The following STK39 variants were observed in gnomAD, a reference collection of about 807,000 sequenced individuals.
STK39 encodes STE20/SPS1-related proline-alanine-rich protein kinase.
STK39 carries 20 observed loss-of-function variants against 77.8 expected under a neutral mutation model. The ratio of observed to expected loss-of-function variants is 0.26; its 90% CI spans 0.18 to 0.37. The LOEUF is 0.37. Ranked by LOEUF, STK39 falls within the 10% of genes least tolerant of loss-of-function variation. The pLI is 1.00. For missense variants in STK39, 479 were observed against 656.5 expected, an observed-to-expected ratio of 0.73 and a Z score of 2.95; for synonymous variants, 246 against 234.1, an observed-to-expected ratio of 1.05 and a Z score of -0.47.
chr2:168,155,472 T>C (rs187668382), intron 5 of STK39, among the ~76,000 whole-genome samples: 31 of 152,344 alleles, frequency 2.0e-4, no homozygotes, highest in African/African-American at 7.0e-4. Context: ...ATGAGAATTT[T>C]GTCGTAATTC....
At chr2:168,107,081 C>T (rs1686994212) in intron 10 of STK39, among the ~76,000 whole-genome samples, 1 of 152,194 alleles carries the variant, frequency 6.6e-6, no homozygotes, top group African/African-American at 2.4e-5. Context: ...TTACAACAAA[C>T]ATCTACTTAG....
At chr2:168,107,062 T>G (rs990107063) in intron 10 of STK39, among the ~76,000 whole-genome samples, 2 of 152,194 alleles carry the variant, frequency 1.3e-5, no homozygotes, top group Non-Finnish European at 2.9e-5. Flanking sequence ...AAAAATCATC[T>G]CGGTTATTTT....
intron 10 of STK39, among the ~76,000 whole-genome samples, chr2:168,083,371 A>G (rs1460172828): frequency 1.3e-5 from 2 of 152,072 alleles, no homozygotes; most frequent in Non-Finnish European, 1.5e-5. Context: ...AGCTTGTTTT[A>G]GACATTTTTT....
rs191721478 is a variant in STK39, at chr2:168,192,111, C to T, written c.209-10021G>A. The stretch of plus-strand genomic sequence containing the variant: ...AATTACTGCTGGCAGAGGGAAAGAC[C>T]CTTTCCGAAGCTAAGCTGACAAGAA... On this transcript the variant is annotated intron_variant, in intron 1 of 17. Transcript: ENST00000355999. 2.6e-5 allele frequency among the ~76,000 whole-genome samples: 4 copies of T among 152,194 alleles called. 1 individual carries two copies. Among genetic ancestry groups the T allele is most frequent in the African/African-American group, 2.4e-5 (1 of 41,532 alleles).
intron 14 of STK39, among the ~76,000 whole-genome samples, chr2:168,028,464 T>C (rs1448717931): frequency 6.6e-6 from 1 of 152,184 alleles, no homozygotes; most frequent in Non-Finnish European, 1.5e-5. Flanking sequence ...GCATTTAGGA[T>C]GTCTAGTGAA....
At chr2:168,235,805 T>C (rs1002793416) in intron 1 of STK39, among the ~76,000 whole-genome samples, 2 of 152,104 alleles carry the variant, frequency 1.3e-5, no homozygotes, top group African/African-American at 4.8e-5. Context: ...TATGACTGCA[T>C]AGTATTCCAT....
At chr2:168,171,656 T>C (rs1688827867) in intron 2 of STK39, among the ~76,000 whole-genome samples, 1 of 151,880 alleles carries the variant, frequency 6.6e-6, no homozygotes, top group Non-Finnish European at 1.5e-5. Context: ...CCAGCTAATT[T>C]TTAAAAATTT....
At chr2:168,228,990 T>C (rs1451891101) in intron 1 of STK39, among the ~76,000 whole-genome samples, 2 of 152,156 alleles carry the variant, frequency 1.3e-5, no homozygotes, top group Non-Finnish European at 2.9e-5. Context: ...TCTAACTTTA[T>C]AAAGATAACA....
chr2:167,985,914 T>C (rs1683545534), intron 16 of STK39, among the ~76,000 whole-genome samples: 1 of 152,208 alleles, frequency 6.6e-6, no homozygotes, highest in African/African-American at 2.4e-5. Flanking sequence ...ATGGGCTGCA[T>C]GTCTATCTTA....
chr2:167,956,268 C>T (rs1691759379), intron 17 of STK39, among the ~76,000 whole-genome samples: 1 of 152,150 alleles, frequency 6.6e-6, no homozygotes, highest in Non-Finnish European at 1.5e-5. Flanking sequence ...GGAAAAAAGC[C>T]ATTGCCTTGG....
chr2:168,243,705 C>A (rs544370852), intron 1 of STK39, among the ~76,000 whole-genome samples: 12 of 152,200 alleles, frequency 7.9e-5, no homozygotes, highest in Non-Finnish European at 1.2e-4. Flanking sequence ...GACTACAATT[C>A]TTTGAATGAG....
intron 17 of STK39, among the ~76,000 whole-genome samples, chr2:167,960,875 T>C (rs955599999): frequency 5.9e-5 from 9 of 152,184 alleles, no homozygotes. Context: ...AACTTCAGCC[T>C]GCATCAGAAT....
At chr2:168,037,546 A>T (rs4668005) in intron 14 of STK39, among the ~76,000 whole-genome samples, 113,234 of 152,034 alleles carry the variant, frequency 0.74, 42,325 homozygotes, top group Non-Finnish European at 0.76. Context: ...GAACCAAATT[A>T]AGTCTCCAGT....
chr2:168,001,317 G>A (rs373439654), intron 16 of STK39, among the ~76,000 whole-genome samples: 142 of 150,486 alleles, frequency 9.4e-4, no homozygotes, highest in Middle Eastern at 3.4e-3. Context: ...GGGCACAAAC[G>A]TTGATGATAC....
intron 4 of STK39, 102 bp downstream of exon 4, chr2:168,163,637 C>A: frequency 1.2e-6 from 2 of 1,603,238 alleles, no homozygotes; most frequent in South Asian, 1.1e-5. Context: ...CTGCAGAGGT[C>A]ACACCTGTGA....
chr2:168,141,432 T>C (rs74403564), intron 5 of STK39, among the ~76,000 whole-genome samples: 1 of 152,188 alleles, frequency 6.6e-6, no homozygotes, highest in African/African-American at 2.4e-5. Flanking sequence ...TTTGGAACAT[T>C]TGAGATTTCA....
rs558319602 is a variant in STK39, at chr2:168,055,311, G to A, written c.1376+8189C>T. On this transcript the variant is annotated intron_variant, in intron 14 of 17. Coordinates refer to ENST00000355999, the MANE Select transcript of STK39 (RefSeq NM_013233.3). ...TCATGCTAAAACAATGGCCAACATCGTTTCTAACAGATTTAGCTTTCTTTA... is the reference window on the plus strand; with the variant it reads ...TCATGCTAAAACAATGGCCAACATCATTTCTAACAGATTTAGCTTTCTTTA... Among the ~76,000 whole-genome samples, 195 of 152,258 alleles carry A rather than the reference G, an allele frequency of 1.3e-3. 1 individual carries two copies. Among genetic ancestry groups the A allele is most frequent in the Middle Eastern group, 3.4e-3 (1 of 294 alleles).
At chr2:168,017,560 T>C (rs1165354767) in intron 14 of STK39, among the ~76,000 whole-genome samples, 1 of 151,840 alleles carries the variant, frequency 6.6e-6, no homozygotes, top group Non-Finnish European at 1.5e-5. Flanking sequence ...TTAGTAGAGA[T>C]GGGGTTTCTC....
chr2:168,024,681 T>C (rs1462297272), intron 14 of STK39, among the ~76,000 whole-genome samples: 1 of 152,226 alleles, frequency 6.6e-6, no homozygotes, highest in African/African-American at 2.4e-5. Flanking sequence ...GTCTATGGTA[T>C]TTTGTTGTAT....
Sources: allele counts gnomAD v4.1 joint callset (sites outside exome capture counted in the v4.1 genomes callset), GRCh38; gene constraint gnomAD v4.1.1; transcripts MANE v1.5; gene names NCBI Gene and HGNC (gene_info 2026-07-23, HGNC 2026-07-21).